Variants in GOSR2 observed in about 807,000 individuals in gnomAD.
GOSR2 encodes 27 kDa Golgi SNARE protein.
GOSR2 carries 20 observed loss-of-function variants against 27.9 expected under a neutral mutation model. The ratio of observed to expected loss-of-function variants is 0.72; its 90% confidence interval spans 0.50 to 1.04. The LOEUF is 1.04. Ranked by LOEUF, GOSR2 falls within the 50% of genes least tolerant of loss-of-function variation. The probability of loss-of-function intolerance (pLI) is 0.00; values close to 1 mark genes in which losing one functional copy is unlikely to be tolerated. For synonymous variants in GOSR2, 91 were observed against 98.8 expected (o/e 0.92, Z 0.47); for missense variants, 261 against 270.5 (o/e 0.97, Z 0.25).
intron 3 of GOSR2, chr17:46,931,545 GTTC>G (rs1320480039): frequency 5.3e-6 from 2 of 374,536 alleles, no homozygotes; most frequent in Non-Finnish European, 9.7e-6. Flanking sequence ...TTCCTGCTGG[GTTC>G]TTCTTGGGTT....
downstream of GOSR2, among the ~76,000 whole-genome samples, chr17:46,943,464 TTCCTC>T (rs2089531218): frequency 1.3e-5 from 2 of 152,196 alleles, 1 homozygote; most frequent in South Asian, 4.1e-4. Context: ...CACAAGATGT[TTCCTC>T]TCAGATGTGC....
chr17:46,970,188 C>G (rs1258902400), downstream of GOSR2, among the ~76,000 whole-genome samples: 2 of 152,130 alleles, frequency 1.3e-5, no homozygotes, highest in African/African-American at 4.8e-5. Context: ...TCATCTCCCC[C>G]ATCATCTCAA....
intron 4 of GOSR2, chr17:46,932,525 G>T: frequency 1.8e-6 from 1 of 558,010 alleles, no homozygotes; most frequent in South Asian, 2.5e-5. Flanking sequence ...AGAGACAGAT[G>T]ATTAGAACTT....
At position 46,931,346 on chromosome 17, in the gene GOSR2, C is replaced by T; in HGVS notation, c.203+139C>T. 3 of 684,170 alleles carry T rather than the reference C, an allele frequency of 4.4e-6. No individual in the cohort carries two copies. The East Asian group carries it at 8.1e-5, about 18-fold the overall frequency. The allele number at this position is 684,170 out of a possible 1,614,324, so 42.4% of individuals were successfully genotyped here. A position where few individuals can be genotyped will look rare whatever the true frequency, so the allele number is the denominator to read the frequency against. On this transcript the variant is annotated intron_variant, in intron 3 of 5. Coordinates refer to ENST00000640051, the MANE Select transcript of GOSR2 (RefSeq NM_004287.5). ...TGACTATGCAAAGAAAAAGCCCCCT[C>T]AAAGGGCACAATTCTATCTGAGTGA...
intron 6 of GOSR2, among the ~76,000 whole-genome samples, chr17:46,948,387 T>C (rs1164088858): frequency 2.0e-5 from 3 of 152,246 alleles, no homozygotes; most frequent in African/African-American, 7.2e-5. Flanking sequence ...GCTGGTGTGA[T>C]TGTGAGTCAA....
rs1462348773 is a variant in GOSR2 at position 46,941,457 on chromosome 17, A to G, written c.*2697A>G. On this transcript the variant is annotated 3_prime_UTR_variant, in exon 6 of 6. Transcript: ENST00000640051. The stretch of plus-strand genomic sequence containing the variant: ...GCCAGAGATTCTCAAACACTGCTCC[A>G]TGGCCAGGGGCTGGGCTGGCTGCTT... 7 of 982,782 alleles carry G rather than the reference A, an allele frequency of 7.1e-6. No individual in the cohort carries two copies. The highest frequency in any genetic ancestry group is 8.5e-6 in the Non-Finnish European group (7 of 827,644). 60.9% of individuals were successfully genotyped at this position (982,782 alleles called of 1,614,324 possible).
exon 7 of GOSR2, chr17:46,966,691 C>A: frequency 1.9e-6 from 1 of 521,650 alleles, no homozygotes; most frequent in East Asian, 3.2e-5. Context: ...AACTCTGGTT[C>A]TATCAACTAT....
At chr17:46,970,831 C>T (rs1460422518), downstream of GOSR2, among the ~76,000 whole-genome samples, 6 of 152,222 alleles carry the variant, frequency 3.9e-5, no homozygotes, top group Admixed American at 3.9e-4. Flanking sequence ...TCATCATACA[C>T]TGATAAGTGA....
At chr17:46,967,153 A>G (rs921242612), downstream of GOSR2, among the ~76,000 whole-genome samples, 4 of 152,216 alleles carry the variant, frequency 2.6e-5, no homozygotes, top group African/African-American at 9.6e-5. Context: ...CCTAACCATA[A>G]CAGGATGCAG....
At position 46,939,197 on chromosome 17, in the gene GOSR2, G is replaced by A. The variant is rs1273390272; in HGVS notation, c.*437G>A. The A allele has an allele frequency of 9.3e-7, 1 of 1,078,118 alleles. No homozygotes were observed. Among genetic ancestry groups the A allele is most frequent in the Non-Finnish European group, 1.1e-6 (1 of 882,392 alleles). The allele number at this position is 1,078,118 out of a possible 1,614,324, so 66.8% of individuals were successfully genotyped here. On this transcript the variant is annotated 3_prime_UTR_variant, in exon 6 of 6. Coordinates refer to ENST00000640051, the MANE Select transcript of GOSR2 (RefSeq NM_004287.5). The stretch of plus-strand genomic sequence containing the variant: ...CAAAAGTGGAAAGGAAAGGAAAGAG[G>A]CCTTTTCTCACAGCCATTATATTAA...
downstream of GOSR2, among the ~76,000 whole-genome samples, chr17:46,945,609 G>A (rs968974058): frequency 1.3e-5 from 2 of 152,170 alleles, no homozygotes; most frequent in Non-Finnish European, 2.9e-5. Flanking sequence ...CGTGGGCTAT[G>A]CAGAAGGGAA....
downstream of GOSR2, among the ~76,000 whole-genome samples, chr17:46,970,422 T>C (rs1365384408): frequency 6.7e-6 from 1 of 149,074 alleles, no homozygotes; most frequent in African/African-American, 2.5e-5. Flanking sequence ...ACACCTGTTA[T>C]CCCAGCTACT....
At chr17:46,957,079 C>T (rs2090766425) in intron 6 of GOSR2, among the ~76,000 whole-genome samples, 1 of 152,080 alleles carries the variant, frequency 6.6e-6, no homozygotes, top group African/African-American at 2.4e-5. Flanking sequence ...GAGGCCCAGG[C>T]GGGTGGATCG....
chr17:46,928,035 G>A (rs1443874424), intron 1 of GOSR2, among the ~76,000 whole-genome samples: 6 of 151,942 alleles, frequency 3.9e-5, no homozygotes, highest in South Asian at 2.1e-4. Flanking sequence ...TTCAGGTGTC[G>A]GCTACCTCAG....
downstream of GOSR2, among the ~76,000 whole-genome samples, chr17:46,942,243 G>A (rs963306248): frequency 6.6e-6 from 1 of 152,186 alleles, no homozygotes; most frequent in Non-Finnish European, 1.5e-5. Flanking sequence ...TCTCAACCGG[G>A]GGGTGACATT....
chr17:46,965,424 C>T (rs886579870), intron 6 of GOSR2, among the ~76,000 whole-genome samples: 5 of 152,194 alleles, frequency 3.3e-5, no homozygotes, highest in Non-Finnish European at 7.3e-5. Context: ...CCCCAGGGCT[C>T]CTGCTTCCCT....
At chr17:46,970,535 CAAAAAAAAAAAAA>C (rs58781204), downstream of GOSR2, among the ~76,000 whole-genome samples, 1 of 51,168 alleles carries the variant, frequency 2.0e-5, no homozygotes, top group Non-Finnish European at 3.8e-5. Context: ...GACTCCATCT[CAAAAAAAAAAAAA>C]AAAAAAAAAA....
At chr17:46,971,387 T>C (rs2091391439), downstream of GOSR2, among the ~76,000 whole-genome samples, 1 of 152,028 alleles carries the variant, frequency 6.6e-6, no homozygotes, top group Non-Finnish European at 1.5e-5. Context: ...AAGGACACAC[T>C]CCATGGCTTC....
At chr17:46,937,657 A>G (rs1395657927) in intron 5 of GOSR2, 1 of 152,152 alleles carries the variant, frequency 6.6e-6, no homozygotes, top group South Asian at 2.1e-4. Flanking sequence ...TTTTCTTGTT[A>G]TTGAACTTCA....
Sources: allele counts gnomAD v4.1 joint callset (sites outside exome capture counted in the v4.1 genomes callset), GRCh38; gene constraint gnomAD v4.1.1; transcripts MANE v1.5; gene names NCBI Gene and HGNC (gene_info 2026-07-23, HGNC 2026-07-21).